RAB8B: variants seen among roughly 807,000 people sequenced by gnomAD.
The protein encoded by RAB8B is ras-related protein Rab-8B.
A neutral mutation model predicts 32.0 loss-of-function variants in RAB8B; 11 were observed. The ratio of observed to expected loss-of-function variants is 0.34; its 90% CI spans 0.22 to 0.57. The LOEUF (loss-of-function observed/expected upper bound fraction) is 0.57. RAB8B is among the 20% of genes least tolerant of loss of function. The probability of loss-of-function intolerance (pLI) is 0.86; values close to 1 mark genes in which losing one functional copy is unlikely to be tolerated. For synonymous variants in RAB8B, 103 were observed against 89.6 expected, an observed-to-expected ratio of 1.15 and a Z score of -0.85; for missense variants, 190 against 258.5, an observed-to-expected ratio of 0.73 and a Z score of 1.82.
chr15:63,260,027 G>A (rs1037924701), intron 6 of RAB8B, among the ~76,000 whole-genome samples: 14 of 152,120 alleles, frequency 9.2e-5, no homozygotes, highest in African/African-American at 3.4e-4. Flanking sequence ...TAGAAACGGG[G>A]TTTCACCATG....
intron 3 of RAB8B, among the ~76,000 whole-genome samples, chr15:63,250,335 AG>A (rs1486525360): frequency 6.6e-6 from 1 of 152,090 alleles, no homozygotes; most frequent in African/African-American, 2.4e-5. Flanking sequence ...CCTATGACTA[AG>A]TATTCTTTTC....
intron 5 of RAB8B, among the ~76,000 whole-genome samples, chr15:63,257,959 A>G (rs2038171865): frequency 6.6e-6 from 1 of 151,306 alleles, no homozygotes; most frequent in South Asian, 2.1e-4. Flanking sequence ...GCTACTCAGG[A>G]GGCTGAGGCA....
At position 63,259,772 on chromosome 15, in the gene RAB8B, T is replaced by C. The variant is rs2038188453; in HGVS notation, c.480+80T>C. ...TGTGTTCAAACAGCTCTCAGAGCTT[T>C]GGTATTTTCTGACCTAATGAATGCC... On this transcript the variant is annotated intron_variant, in intron 6 of 7. Coordinates refer to ENST00000321437, the MANE Select transcript of RAB8B (RefSeq NM_016530.3). The surrounding 1 kb of genome is among the most constrained non-coding windows in gnomAD (Gnocchi z 4.4). 8.0e-7 allele frequency: 1 copy of C among 1,250,778 alleles called. No individual in the cohort carries two copies. Among genetic ancestry groups the C allele is most frequent in the Admixed American group, 1.9e-5 (1 of 53,170 alleles). 77.5% of individuals were successfully genotyped at this position (1,250,778 alleles called of 1,614,324 possible).
rs1483731476 is a variant in RAB8B at position 63,263,816 on chromosome 15, T to C, written c.*197T>C. ...AAGAACAGACTCCCTTTTTCAAACA[T>C]GGAAGCAATGAAGTGGAGACACATG... On this transcript the variant is annotated 3_prime_UTR_variant, in exon 8 of 8. Coordinates refer to ENST00000321437, the MANE Select transcript of RAB8B (RefSeq NM_016530.3). 4.0e-6 allele frequency: 2 copies of C among 505,734 alleles called. No homozygotes were observed. Among genetic ancestry groups the C allele is most frequent in the East Asian group, 3.1e-5 (1 of 32,694 alleles). The allele number at this position is 505,734 out of a possible 1,614,324, so 31.3% of individuals were successfully genotyped here.
At chr15:63,224,819 G>A (rs1432782012) in intron 1 of RAB8B, among the ~76,000 whole-genome samples, 1 of 152,156 alleles carries the variant, frequency 6.6e-6, no homozygotes, top group Non-Finnish European at 1.5e-5. Context: ...ATCTGAGCTA[G>A]TACCTCCTCC....
At chr15:63,240,663 G>A (rs1235676264) in intron 1 of RAB8B, among the ~76,000 whole-genome samples, 2 of 151,846 alleles carry the variant, frequency 1.3e-5, no homozygotes, top group Non-Finnish European at 2.9e-5. Context: ...CTGTCAGTTG[G>A]CCCTTGACAA....
intron 3 of RAB8B, among the ~76,000 whole-genome samples, chr15:63,254,413 A>G (rs1054267365): frequency 6.6e-6 from 1 of 151,990 alleles, no homozygotes; most frequent in African/African-American, 2.4e-5. Context: ...GCCATCTACA[A>G]GAGGAAGAGA....
chr15:63,227,263 T>A lies in RAB8B; in HGVS notation c.125-17493T>A, dbSNP rs143120912. ...ACACGCCTCTGACATTTGCATCCAC[T>A]GTTGTATGTATTTCCTGACCTAATG... On this transcript the variant is annotated intron_variant, in intron 1 of 7. Coordinates refer to ENST00000321437, the MANE Select transcript of RAB8B (RefSeq NM_016530.3). 1.4e-4 allele frequency among the ~76,000 whole-genome samples: 22 copies of A among 152,296 alleles called. No homozygotes were observed. In the East Asian group the frequency reaches 4.2e-3, roughly 29 times the overall value.
intron 1 of RAB8B, among the ~76,000 whole-genome samples, chr15:63,209,096 G>T (rs1173773267): frequency 2.0e-5 from 3 of 151,896 alleles, no homozygotes; most frequent in East Asian, 3.9e-4. Flanking sequence ...TCGCCATGTT[G>T]CCCAGGCTGG....
At chr15:63,241,853 C>T (rs2038034763) in intron 1 of RAB8B, among the ~76,000 whole-genome samples, 1 of 151,916 alleles carries the variant, frequency 6.6e-6, no homozygotes, top group African/African-American at 2.4e-5. Flanking sequence ...CAATAAAAAT[C>T]AATGTCTATT....
chr15:63,223,946 G>A (rs1051484546), intron 1 of RAB8B: 4 of 338,480 alleles, frequency 1.2e-5, no homozygotes, highest in Admixed American at 1.1e-4. Context: ...TATTGGATTT[G>A]GAATCACTGT....
At chr15:63,227,430 G>A (rs1014355288) in intron 1 of RAB8B, among the ~76,000 whole-genome samples, 3 of 146,852 alleles carry the variant, frequency 2.0e-5, no homozygotes, top group Admixed American at 6.7e-5. Flanking sequence ...TTTGTTTTTC[G>A]TGTTAGTAAC....
rs2038090545 is a variant in RAB8B at position 63,248,627 on chromosome 15, A to T, written c.186-1018A>T. Among the ~76,000 whole-genome samples the T allele has an allele frequency of 1.3e-5, 2 of 152,186 alleles. No homozygotes were observed. Among genetic ancestry groups the T allele is most frequent in the South Asian group, 4.1e-4 (2 of 4,830 alleles). ...CATCTGCAGAACTTGGATGCTGGTA[A>T]CACCCCCAGCCAGTAGCCCACCCTA... is the stretch of plus-strand genomic sequence containing the variant. On this transcript the variant is annotated intron_variant, in intron 2 of 7. Transcript: ENST00000321437. The surrounding 1 kb of genome is among the most constrained non-coding windows in gnomAD (Gnocchi z 4.4).
chr15:63,247,681 C>G (rs1388348209), intron 2 of RAB8B, among the ~76,000 whole-genome samples: 1 of 152,142 alleles, frequency 6.6e-6, no homozygotes, highest in Non-Finnish European at 1.5e-5. Context: ...CGAGGCAGGG[C>G]TAAAGAGTAA....
chr15:63,197,370 C>CTTTTTTTTTTTTTTTTTTTTTT (rs58765418), intron 1 of RAB8B, among the ~76,000 whole-genome samples: 36 of 61,404 alleles, frequency 5.9e-4, no homozygotes, highest in East Asian at 1.2e-3. Flanking sequence ...TCTTTCTTTT[C>CTTTTTTTTTTTTTTTTTTTTTT]TTTTTTTTTT....
In RAB8B at chr15:63,266,719, T is replaced by C. The variant is rs1352080641; in HGVS notation, c.*3100T>C. On this transcript the variant is annotated 3_prime_UTR_variant, in exon 8 of 8. Coordinates refer to ENST00000321437, the MANE Select transcript of RAB8B (RefSeq NM_016530.3). Reference sequence around the variant, plus strand: ...TAGCATAAAAAAAGTATTATCTCCCTGTCTCCATTAATAAATTTAGCTGTG... The same window carrying C: ...TAGCATAAAAAAAGTATTATCTCCCCGTCTCCATTAATAAATTTAGCTGTG... 2.0e-5 allele frequency: 3 copies of C among 152,506 alleles called. No homozygotes were observed. In the East Asian group the frequency reaches 5.8e-4, roughly 29 times the overall value. The allele number at this position is 152,506 out of a possible 1,614,324, so 9.4% of individuals were successfully genotyped here.
intron 1 of RAB8B, among the ~76,000 whole-genome samples, chr15:63,232,158 T>C (rs1484306425): frequency 6.6e-6 from 1 of 152,244 alleles, no homozygotes; most frequent in Non-Finnish European, 1.5e-5. Context: ...CTTTTGGTAG[T>C]TCTAGCATTT....
chr15:63,206,736 T>G (rs2037701301), intron 1 of RAB8B, among the ~76,000 whole-genome samples: 1 of 152,024 alleles, frequency 6.6e-6, no homozygotes, highest in Non-Finnish European at 1.5e-5. Context: ...TCCCATAAAC[T>G]CGCTACTTTC....
rs1170474808 is a variant in RAB8B at position 63,265,407 on chromosome 15, T to TA, written c.*1792dup. ...TTTTTTTGGTAATTACCTATAGGCT[T>TA]AAAAGTCATTCGTTGCTGTTCTAGT... is the stretch of plus-strand genomic sequence containing the variant. On this transcript the variant is annotated 3_prime_UTR_variant, in exon 8 of 8. Transcript: ENST00000321437. The surrounding 1 kb of genome is among the most constrained non-coding windows in gnomAD (Gnocchi z 4.9). 9 of 152,234 alleles carry TA rather than the reference T, an allele frequency of 5.9e-5. No homozygotes were observed. In the East Asian group the frequency reaches 1.7e-3, roughly 29 times the overall value. The allele number at this position is 152,234 out of a possible 1,614,324, so 9.4% of individuals were successfully genotyped here.
Sources: gnomAD v4.1 joint callset for allele counts (sites outside exome capture counted in the v4.1 genomes callset) on GRCh38, gnomAD v4.1.1 for gene constraint, Gnocchi (gnomAD v3.1) non-coding constraint, MANE v1.5 for transcripts, NCBI Gene and HGNC (gene_info 2026-07-23, HGNC 2026-07-21) for gene names.